The following TCF7L1 variants were observed in gnomAD, a reference collection of about 807,000 sequenced individuals.
TCF7L1 encodes the protein transcription factor 7 like 1, also known as transcription factor 7-like 1.
Under a neutral mutation model 63.7 loss-of-function variants are expected in TCF7L1, and 18 were observed. The ratio of observed to expected loss-of-function variants is 0.28; its 90% CI spans 0.20 to 0.42. The LOEUF is 0.42. Among genes scored for constraint, TCF7L1 ranks in the 10% least tolerant of loss-of-function variants. The pLI is 1.00. For missense variants in TCF7L1, 654 were observed against 779.3 expected (o/e 0.84, Z 1.91); for synonymous variants, 355 against 340.9 (o/e 1.04, Z -0.46).
Position 85,175,744 on chromosome 2 carries a change from G to C in TCF7L1, c.441+41294G>C, listed in dbSNP as rs147809064. On this transcript the variant is annotated intron_variant, in intron 3 of 11. Coordinates refer to ENST00000282111, the MANE Select transcript of TCF7L1 (RefSeq NM_031283.3). ...TAAAATAGGAAGCTGGGAATGACAGGAAGAGGGACTGTAGGCCTGGTAAAC... is the reference window on the plus strand; with the variant it reads ...TAAAATAGGAAGCTGGGAATGACAGCAAGAGGGACTGTAGGCCTGGTAAAC... 6.2e-3 allele frequency among the ~76,000 whole-genome samples: 944 copies of C among 152,352 alleles called. 11 individuals are homozygous for C. The highest frequency in any genetic ancestry group is 0.021 in the African/African-American group (885 of 41,580).
chr2:85,248,041 A>G (rs745328901), intron 3 of TCF7L1, among the ~76,000 whole-genome samples: 1 of 152,130 alleles, frequency 6.6e-6, no homozygotes, highest in African/African-American at 2.4e-5. Context: ...ATATCTTCCT[A>G]TGGTGATTGA....
At chr2:85,234,780 C>T (rs1234777743) in intron 3 of TCF7L1, among the ~76,000 whole-genome samples, 1 of 152,166 alleles carries the variant, frequency 6.6e-6, no homozygotes, top group East Asian at 1.9e-4. Context: ...GCTTTGTCGT[C>T]TCATGGACAC....
At chr2:85,293,925 G>A (rs1402436027) in intron 4 of TCF7L1, among the ~76,000 whole-genome samples, 1 of 151,108 alleles carries the variant, frequency 6.6e-6, no homozygotes, top group South Asian at 2.1e-4. Flanking sequence ...TGGGTCTCTT[G>A]AGCAGGCATC....
At chr2:85,298,913 A>G (rs1053867124) in intron 4 of TCF7L1, among the ~76,000 whole-genome samples, 1 of 151,970 alleles carries the variant, frequency 6.6e-6, no homozygotes, top group Non-Finnish European at 1.5e-5. Flanking sequence ...GCCACTATCT[A>G]CTTACCGCCT....
At position 85,309,450 on chromosome 2, in the gene TCF7L1, G is replaced by A; in HGVS notation, c.1755G>A (p.Lys585=). 1 of 1,525,868 alleles carries A rather than the reference G, an allele frequency of 6.6e-7. No individual in the cohort carries two copies. The highest frequency in any genetic ancestry group is 8.8e-7 in the Non-Finnish European group (1 of 1,137,082). 94.5% of individuals were successfully genotyped at this position (1,525,868 alleles called of 1,614,324 possible). ...CCCAGCCTCTTTCCCTGGTCACCAA[G>A]TCTGCCCACTAAGCTCCCCCCGACC... ...LQAQPLSLVT[K]SAH The change falls in exon 12 of 12, where the codon AAG becomes AAA. Residue 585 remains lysine, a synonymous_variant. Coordinates refer to ENST00000282111, the MANE Select transcript of TCF7L1 (RefSeq NM_031283.3).
At chr2:85,257,714 A>G (rs1396051285) in intron 3 of TCF7L1, among the ~76,000 whole-genome samples, 1 of 152,108 alleles carries the variant, frequency 6.6e-6, no homozygotes, top group African/African-American at 2.4e-5. Context: ...CGCCCACTGC[A>G]CAGCATACCC....
chr2:85,206,529 A>C (rs1456624265), intron 3 of TCF7L1, among the ~76,000 whole-genome samples: 1 of 152,148 alleles, frequency 6.6e-6, no homozygotes, highest in African/African-American at 2.4e-5. Flanking sequence ...GATTTCATTT[A>C]ATTTCCCAAA....
At chr2:85,244,361 C>T (rs533014367) in intron 3 of TCF7L1, among the ~76,000 whole-genome samples, 5 of 152,084 alleles carry the variant, frequency 3.3e-5, no homozygotes, top group African/African-American at 7.2e-5. Context: ...AATCATAGAC[C>T]GAAGGGGTCA....
intron 3 of TCF7L1, among the ~76,000 whole-genome samples, chr2:85,206,620 C>T (rs1679415801): frequency 6.6e-6 from 1 of 152,134 alleles, no homozygotes; most frequent in South Asian, 2.1e-4. Context: ...CTAATCCAGA[C>T]TCAGCAAAAT....
At chr2:85,234,094 C>G (rs72934620) in intron 3 of TCF7L1, among the ~76,000 whole-genome samples, 17,733 of 149,212 alleles carry the variant, frequency 0.12, 1,843 homozygotes, top group African/African-American at 0.28. Context: ...CTCTCTTGTT[C>G]CACTCTGCTT....
At chr2:85,267,192 T>C (rs1558651183) in intron 3 of TCF7L1, among the ~76,000 whole-genome samples, 1 of 150,762 alleles carries the variant, frequency 6.6e-6, no homozygotes, top group Non-Finnish European at 1.5e-5. Flanking sequence ...ATACAAAAAT[T>C]AGCTGGGTGT....
At position 85,302,472 on chromosome 2, in the gene TCF7L1, T is replaced by C; in HGVS notation, c.526-12T>C. The stretch of plus-strand genomic sequence containing the variant: ...CTTGGCAACCATTCCTGGTCTTTTT[T>C]GTCTCTTTCAGTCTAATAAAGTTCC... On this transcript the variant is annotated splice_polypyrimidine_tract_variant and intron_variant, in intron 4 of 11. Transcript: ENST00000282111. 6.2e-7 allele frequency: 1 copy of C among 1,614,134 alleles called. No individual in the cohort carries two copies. Among genetic ancestry groups the C allele is most frequent in the South Asian group, 1.1e-5 (1 of 91,086 alleles).
At chr2:85,233,585 A>T (rs1374655718) in intron 3 of TCF7L1, among the ~76,000 whole-genome samples, 4 of 152,158 alleles carry the variant, frequency 2.6e-5, no homozygotes, top group Non-Finnish European at 5.9e-5. Flanking sequence ...AAGTACTGGG[A>T]TTACCAGCGT....
intron 3 of TCF7L1, among the ~76,000 whole-genome samples, chr2:85,245,844 A>C (rs113772123): frequency 0.029 from 4,404 of 151,970 alleles, 226 homozygotes; most frequent in African/African-American, 0.1. Context: ...AAAAAAAAAA[A>C]AAAACAGACC....
At chr2:85,219,464 C>A (rs1679795052) in intron 3 of TCF7L1, among the ~76,000 whole-genome samples, 1 of 152,094 alleles carries the variant, frequency 6.6e-6, no homozygotes, top group Admixed American at 6.6e-5. Flanking sequence ...CTAGAAACAA[C>A]ATATGTGGCC....
At chr2:85,290,432 T>A (rs1015730665) in intron 4 of TCF7L1, among the ~76,000 whole-genome samples, 2 of 152,180 alleles carry the variant, frequency 1.3e-5, no homozygotes, top group Non-Finnish European at 2.9e-5. Flanking sequence ...TGCCTCAGTC[T>A]CCAAAAGTGC....
At chr2:85,138,394 T>C (rs558153572) in intron 3 of TCF7L1, among the ~76,000 whole-genome samples, 7 of 152,250 alleles carry the variant, frequency 4.6e-5, no homozygotes, top group African/African-American at 1.2e-4. Flanking sequence ...TTTTTAGGAG[T>C]TGTATGTAAA....
chr2:85,285,856 G>T (rs72840046), intron 4 of TCF7L1, among the ~76,000 whole-genome samples: 16,488 of 152,170 alleles, frequency 0.11, 1,236 homozygotes, highest in Non-Finnish European at 0.16. Context: ...GCATATTGTC[G>T]CATCTCCATC....
rs770365876 is a variant in TCF7L1, at chr2:85,306,970, T to C, written c.1257+411T>C. On this transcript the variant is annotated intron_variant, in intron 10 of 11. Coordinates refer to ENST00000282111, the MANE Select transcript of TCF7L1 (RefSeq NM_031283.3). The surrounding 1 kb of genome is among the most constrained non-coding windows in gnomAD (Gnocchi z 4.3). ...TGAGCCACCGCGCCCGGCCAGCGAC[T>C]GCATTTATAGAGGACTCTTAAGATC... 6.6e-6 allele frequency among the ~76,000 whole-genome samples: 1 copy of C among 152,216 alleles called. No individual in the cohort carries two copies. Among genetic ancestry groups the C allele is most frequent in the Non-Finnish European group, 1.5e-5 (1 of 68,040 alleles).
Sources: allele counts gnomAD v4.1 joint callset (sites outside exome capture counted in the v4.1 genomes callset), GRCh38; gene constraint gnomAD v4.1.1; non-coding constraint Gnocchi (gnomAD v3.1); transcripts MANE v1.5; gene names NCBI Gene and HGNC (gene_info 2026-07-23, HGNC 2026-07-21).